CALHM4: variants seen among roughly 807,000 people sequenced by gnomAD.
CALHM4 encodes the protein calcium homeostasis modulator family member 4.
CALHM4 carries 16 observed loss-of-function variants against 13.3 expected under a neutral mutation model. That is an observed-to-expected ratio of 1.20 (90% CI 0.81 to 1.82). The LOEUF (loss-of-function observed/expected upper bound fraction) is 1.82. Among genes scored for constraint, CALHM4 ranks in the 40% most tolerant of loss-of-function variants. The pLI is 0.00. For synonymous variants in CALHM4, 127 were observed against 137.1 expected (o/e 0.93, Z 0.52); for missense variants, 344 against 374.9 (o/e 0.92, Z 0.68).
At chr6:116,557,628 G>C (rs1169603267) in intron 1 of CALHM4, among the ~76,000 whole-genome samples, 197 bp from the exon 2 acceptor site, 2 of 152,126 alleles carry the variant, frequency 1.3e-5, no homozygotes, top group Non-Finnish European at 2.9e-5. Flanking sequence ...AGTTGAAATG[G>C]CTGGGCCTAT....
At chr6:116,531,961 T>C (rs1772755342) in intron 1 of CALHM4, among the ~76,000 whole-genome samples, 1 of 151,860 alleles carries the variant, frequency 6.6e-6, no homozygotes, top group Admixed American at 6.6e-5. Flanking sequence ...CAAGTTGAGT[T>C]CGCTGTCATT....
intron 1 of CALHM4, among the ~76,000 whole-genome samples, chr6:116,533,571 G>C (rs919771208): frequency 1.3e-5 from 2 of 152,204 alleles, no homozygotes; most frequent in African/African-American, 4.8e-5. Flanking sequence ...AACGGCAATA[G>C]AAATGTAAGT....
chr6:116,532,774 T>G (rs1263389796), intron 1 of CALHM4, among the ~76,000 whole-genome samples: 1 of 152,180 alleles, frequency 6.6e-6, no homozygotes, highest in Non-Finnish European at 1.5e-5. Context: ...ACAAACTGAT[T>G]AAAACATTAA....
intron 1 of CALHM4, among the ~76,000 whole-genome samples, chr6:116,532,349 C>T (rs1350859686): frequency 3.3e-5 from 5 of 152,170 alleles, no homozygotes; most frequent in East Asian, 3.8e-4. Flanking sequence ...TATCCTTCCG[C>T]GTCTTGCCTC....
chr6:116,553,629 T>G (rs1774176245), upstream of CALHM4: 1 of 673,560 alleles, frequency 1.5e-6, no homozygotes, highest in South Asian at 2.1e-5. Context: ...AGCTCAGGGT[T>G]TTCAAAGTAC....
intron 2 of CALHM4, chr6:116,545,713 T>G (rs143535263): frequency 2.0e-5 from 8 of 399,396 alleles, no homozygotes; most frequent in South Asian, 1.6e-4. Flanking sequence ...CAGGATTGTC[T>G]TATAGCCACG....
intron 1 of CALHM4, among the ~76,000 whole-genome samples, chr6:116,535,867 T>G (rs1487227004): frequency 2.0e-5 from 3 of 152,210 alleles, no homozygotes; most frequent in Non-Finnish European, 2.9e-5. Flanking sequence ...CTAAGCTGGC[T>G]TTTCTTACTA....
At chr6:116,532,056 C>A (rs1772760948) in intron 1 of CALHM4, among the ~76,000 whole-genome samples, 1 of 152,054 alleles carries the variant, frequency 6.6e-6, no homozygotes, top group Admixed American at 6.6e-5. Flanking sequence ...TGTGAACAAC[C>A]AGGTACTTTT....
rs1474993735 is a variant in CALHM4 at position 116,560,930 on chromosome 6, A to G, written c.*2719A>G. Among the ~76,000 whole-genome samples the G allele has an allele frequency of 6.6e-6, 1 of 152,170 alleles. No homozygotes were observed. Among genetic ancestry groups the G allele is most frequent in the African/African-American group, 2.4e-5 (1 of 41,442 alleles). On this transcript the variant is annotated 3_prime_UTR_variant, in exon 2 of 2. Coordinates refer to ENST00000368596, the MANE Select transcript of CALHM4 (RefSeq NM_001366078.2). ...CGGTCCCATCATGACCTAAGTTGCC[A>G]CCTTCCCAGGAGACAAATACAAACC...
intron 2 of CALHM4, among the ~76,000 whole-genome samples, chr6:116,546,522 G>A (rs921902209): frequency 2.0e-5 from 3 of 152,180 alleles, no homozygotes; most frequent in Admixed American, 6.5e-5. Flanking sequence ...TTGACGAAAA[G>A]TGTGGTGTAG....
chr6:116,556,774 G>A (rs56669351), intron 1 of CALHM4, among the ~76,000 whole-genome samples: 3,840 of 152,182 alleles, frequency 0.025, 75 homozygotes, highest in Middle Eastern at 0.099. Context: ...TTTAAAAGCC[G>A]ACACTAAATA....
At chr6:116,531,482 C>T (rs73769120) in intron 1 of CALHM4, among the ~76,000 whole-genome samples, 6,998 of 152,138 alleles carry the variant, frequency 0.046, 448 homozygotes, top group African/African-American at 0.15. Context: ...TAGAGAACCA[C>T]AAAGACTTGC....
At chr6:116,540,508 G>A (rs756063730) in intron 1 of CALHM4, 8 of 1,524,354 alleles carry the variant, frequency 5.2e-6, no homozygotes, top group Non-Finnish European at 7.1e-6. Flanking sequence ...TAAGAAATTA[G>A]TGAAGTCTGT....
At chr6:116,551,568 G>A (rs190600456), upstream of CALHM4, among the ~76,000 whole-genome samples, 3 of 151,742 alleles carry the variant, frequency 2.0e-5, no homozygotes, top group Admixed American at 2.0e-4. Context: ...TTGCTGAGTA[G>A]TATTCCATTG....
Position 116,558,392 on chromosome 6 carries a change from T to A in CALHM4, c.*181T>A. ...ATTAGATAATTGTGCCAATCTCTCA[T>A]TTTGAAATTTTGCCAATGGTCTGGT... On this transcript the variant is annotated 3_prime_UTR_variant, in exon 2 of 2. Coordinates refer to ENST00000368596, the MANE Select transcript of CALHM4 (RefSeq NM_001366078.2). 1 of 746,832 alleles carries A rather than the reference T, an allele frequency of 1.3e-6. No individual in the cohort carries two copies. The highest frequency in any genetic ancestry group is 2.0e-6 in the Non-Finnish European group (1 of 501,712). 46.3% of individuals were successfully genotyped at this position (746,832 alleles called of 1,614,324 possible).
At chr6:116,545,582 A>G in intron 2 of CALHM4, 2 of 1,396,674 alleles carry the variant, frequency 1.4e-6, no homozygotes, top group East Asian at 5.1e-5. Flanking sequence ...GAGGTGTATC[A>G]GTCCATGTCT....
chr6:116,541,538 G>T (rs762221116), intron 1 of CALHM4, among the ~76,000 whole-genome samples: 1 of 152,140 alleles, frequency 6.6e-6, no homozygotes, highest in Admixed American at 6.6e-5. Context: ...TGATGTGAGA[G>T]TGCTTATGAA....
intron 1 of CALHM4, among the ~76,000 whole-genome samples, chr6:116,537,969 G>A (rs991593404): frequency 6.6e-6 from 1 of 152,144 alleles, no homozygotes; most frequent in Admixed American, 6.6e-5. Flanking sequence ...TATCCTGGTC[G>A]AGGACCACAG....
chr6:116,555,092 T>A (rs572501292), intron 1 of CALHM4, among the ~76,000 whole-genome samples: 47 of 152,194 alleles, frequency 3.1e-4, no homozygotes, highest in Non-Finnish European at 6.2e-4. Flanking sequence ...GGCGTGCATA[T>A]TTTTTGACTG....
Sources: allele counts gnomAD v4.1 joint callset (sites outside exome capture counted in the v4.1 genomes callset), GRCh38; gene constraint gnomAD v4.1.1; transcripts MANE v1.5; gene names NCBI Gene and HGNC (gene_info 2026-07-23, HGNC 2026-07-21).